Variants in AMBRA1 observed in about 807,000 individuals in gnomAD.
AMBRA1 encodes the protein autophagy and beclin 1 regulator 1.
A neutral mutation model predicts 125.4 loss-of-function variants in AMBRA1; 47 were observed. That is an observed-to-expected ratio of 0.37 (90% CI 0.30 to 0.48). The LOEUF is 0.48. Among genes scored for constraint, AMBRA1 ranks in the 20% least tolerant of loss-of-function variants. AMBRA1 has a pLI of 0.99. For synonymous variants in AMBRA1, 626 were observed against 655.5 expected, an observed-to-expected ratio of 0.95 and a Z score of 0.69; for missense variants, 1,331 against 1,693.4, an observed-to-expected ratio of 0.79 and a Z score of 3.76.
intron 15 of AMBRA1, among the ~76,000 whole-genome samples, chr11:46,416,243 A>T (rs1403165323): frequency 6.6e-6 from 1 of 152,210 alleles, no homozygotes; most frequent in African/African-American, 2.4e-5. Context: ...AATCAGCATC[A>T]TGTGCTTTGG....
At chr11:46,584,728 C>T (rs1215949563) in intron 1 of AMBRA1, among the ~76,000 whole-genome samples, 1 of 152,000 alleles carries the variant, frequency 6.6e-6, no homozygotes, top group Non-Finnish European at 1.5e-5. Context: ...CCTGCCTCAG[C>T]CTCGCAAGCA....
chr11:46,462,444 A>G (rs2136840211), intron 11 of AMBRA1, among the ~76,000 whole-genome samples: 1 of 152,230 alleles, frequency 6.6e-6, no homozygotes, highest in South Asian at 2.1e-4. Flanking sequence ...TTTAAAGCAG[A>G]TTTTTGATTG....
At chr11:46,486,952 A>AATAC (rs1490331048) in intron 11 of AMBRA1, among the ~76,000 whole-genome samples, 12 of 138,318 alleles carry the variant, frequency 8.7e-5, no homozygotes, top group East Asian at 2.1e-4. Flanking sequence ...TAAATAAATA[A>AATAC]ATACAAATAA....
chr11:46,474,663 C>T (rs1949741462), intron 11 of AMBRA1, among the ~76,000 whole-genome samples: 1 of 152,202 alleles, frequency 6.6e-6, no homozygotes, highest in Admixed American at 6.5e-5. Flanking sequence ...GCTGGGATTA[C>T]AAGCGTAAGC....
At position 46,508,287 on chromosome 11, in the gene AMBRA1, T is replaced by C. The variant is rs1368543458; in HGVS notation, c.2243A>G (p.Tyr748Cys). 6.2e-7 allele frequency: 1 copy of C among 1,614,228 alleles called. No individual in the cohort carries two copies. The highest frequency in any genetic ancestry group is 8.5e-7 in the Non-Finnish European group (1 of 1,180,016). Residue 748 changes from tyrosine (Y) to cysteine (C), a missense_variant, in exon 9 of 18, where the codon TAC becomes TGC. Tyr to Cys is a radical substitution (Grantham distance 194). Transcript: ENST00000683756. Reference protein sequence around the residue: ...RDSIRQRSMRYQQNRLRSSTS... With the variant: ...RDSIRQRSMRCQQNRLRSSTS... The stretch of plus-strand genomic sequence containing the variant: ...GGAAGAACGGAGACGGTTCTGTTGG[T>C]AGCGCATGGAGCGCTGGCGAATACT...
chr11:46,539,238 A>G (rs1237242697), intron 7 of AMBRA1, among the ~76,000 whole-genome samples: 1 of 152,154 alleles, frequency 6.6e-6, no homozygotes, highest in Non-Finnish European at 1.5e-5. Context: ...ATAAAATATT[A>G]AAAGAAAAAA....
chr11:46,397,656 C>G lies in AMBRA1; in HGVS notation c.3691G>C (p.Ala1231Pro). The G allele has an allele frequency of 6.2e-7, 1 of 1,612,880 alleles. No homozygotes were observed. Among genetic ancestry groups the G allele is most frequent in the Non-Finnish European group, 8.5e-7 (1 of 1,179,248 alleles). ...GGGGTACCAGGCTGGTCCCAGGAAG[C>G]TGTCCGGGGGCTTAGGCCTCGCTCT... Reference protein sequence around the residue: ...LAERGLSPRTASWDQPGTPGR... With the variant: ...LAERGLSPRTPSWDQPGTPGR... Residue 1231 changes from alanine (A) to proline (P), a missense_variant, in exon 18 of 18, where the codon GCT becomes CCT. Ala to Pro is a conservative substitution (Grantham distance 27, BLOSUM62 -1). Transcript: ENST00000683756.
chr11:46,573,677 T>A (rs1251773476), intron 1 of AMBRA1, among the ~76,000 whole-genome samples: 1 of 151,350 alleles, frequency 6.6e-6, no homozygotes, highest in Admixed American at 6.6e-5. Context: ...TTTTTTTTTT[T>A]TATTATACTT....
At chr11:46,494,351 C>T (rs1305276280) in intron 9 of AMBRA1, 147 bp from the exon 10 acceptor site, 2 of 604,510 alleles carry the variant, frequency 3.3e-6, no homozygotes, top group African/African-American at 1.8e-5. Flanking sequence ...ACTAATTAGG[C>T]AGCACATTAA....
intron 17 of AMBRA1, among the ~76,000 whole-genome samples, chr11:46,402,362 A>C (rs1006628050): frequency 1.3e-5 from 2 of 152,036 alleles, no homozygotes; most frequent in African/African-American, 4.8e-5. Flanking sequence ...AGAAGCATTT[A>C]TTTTATTTTA....
intron 1 of AMBRA1, among the ~76,000 whole-genome samples, chr11:46,561,201 T>C (rs890419807): frequency 3.3e-5 from 5 of 151,984 alleles, no homozygotes; most frequent in African/African-American, 1.2e-4. Context: ...GCCAACACGG[T>C]GAAACCCTGT....
chr11:46,547,333 T>C (rs761689520), intron 3 of AMBRA1, 37 bp from the exon 4 acceptor site: 1 of 1,552,360 alleles, frequency 6.4e-7, no homozygotes, highest in East Asian at 2.3e-5. Context: ...TTCAGAAGCA[T>C]GTGGAAGGGT....
At chr11:46,469,085 G>A (rs181929070) in intron 11 of AMBRA1, among the ~76,000 whole-genome samples, 1 of 152,324 alleles carries the variant, frequency 6.6e-6, no homozygotes. Flanking sequence ...GGAGGTTGCA[G>A]TGAGCCGAAA....
chr11:46,535,788 A>G (rs1198057359), intron 7 of AMBRA1, among the ~76,000 whole-genome samples: 1 of 152,160 alleles, frequency 6.6e-6, no homozygotes, highest in Non-Finnish European at 1.5e-5. Flanking sequence ...TACCAAAAAG[A>G]TAAAAAAAGG....
intron 9 of AMBRA1, chr11:46,495,241 A>C (rs965568840): frequency 6.6e-5 from 10 of 152,250 alleles, no homozygotes; most frequent in African/African-American, 1.9e-4. Context: ...AACCTTTGAG[A>C]GCTTGATTTG....
intron 1 of AMBRA1, among the ~76,000 whole-genome samples, chr11:46,588,387 ATTG>A (rs2044474640): frequency 6.6e-6 from 1 of 152,198 alleles, no homozygotes; most frequent in South Asian, 2.1e-4. Flanking sequence ...ACATCTGTTC[ATTG>A]TTGTTGTAAA....
At chr11:46,443,174 G>C (rs546671880) in intron 12 of AMBRA1, among the ~76,000 whole-genome samples, 1 of 152,324 alleles carries the variant, frequency 6.6e-6, no homozygotes, top group South Asian at 2.1e-4. Flanking sequence ...CTAAAGTTTA[G>C]GTGGAACTGA....
chr11:46,543,446 G>A, intron 6 of AMBRA1, 48 bp from the exon 7 acceptor site: 1 of 1,582,460 alleles, frequency 6.3e-7, no homozygotes, highest in Non-Finnish European at 8.5e-7. Context: ...AGGCAGTTAG[G>A]TAGAACCTCC....
chr11:46,489,539 C>T lies in AMBRA1; in HGVS notation c.2521+4069G>A, dbSNP rs577339177. ...GCCATCTCTTGCTCAAGACACTGGA[C>T]CAGGCCGTAATGACCTGTGGCTAGG... On this transcript the variant is annotated intron_variant, in intron 11 of 17. Coordinates refer to ENST00000683756, the MANE Select transcript of AMBRA1 (RefSeq NM_001387011.1). 4.1e-3 allele frequency among the ~76,000 whole-genome samples: 628 copies of T among 152,306 alleles called. 4 individuals are homozygous for T. The highest frequency in any genetic ancestry group is 3.8e-3 in the Non-Finnish European group (258 of 68,030).
Sources: gnomAD v4.1 joint callset for allele counts (sites outside exome capture counted in the v4.1 genomes callset) on GRCh38, gnomAD v4.1.1 for gene constraint, MANE v1.5 for transcripts, NCBI Gene and HGNC (gene_info 2026-07-23, HGNC 2026-07-21) for gene names.